PCDHGB3: variants seen among roughly 807,000 people sequenced by gnomAD.
The protein encoded by PCDHGB3 is protocadherin gamma-B3.
PCDHGB3 carries 40 observed loss-of-function variants against 59.2 expected under a neutral mutation model. The observed-to-expected ratio is 0.68, with a 90% CI of 0.52 to 0.88. The LOEUF is 0.88. Ranked by LOEUF, PCDHGB3 falls within the 40% of genes least tolerant of loss-of-function variation. The probability of loss-of-function intolerance (pLI) is 0.00; values close to 1 mark genes in which losing one functional copy is unlikely to be tolerated. For synonymous variants in PCDHGB3, 581 were observed against 503.6 expected, an observed-to-expected ratio of 1.15 and a Z score of -2.06; for missense variants, 1,309 against 1,187.9, an observed-to-expected ratio of 1.10 and a Z score of -1.50.
At chr5:141,461,819 A>T (rs573339238) in intron 1 of PCDHGB3, among the ~76,000 whole-genome samples, 68 of 149,282 alleles carry the variant, frequency 4.6e-4, no homozygotes, top group Non-Finnish European at 9.5e-4. Flanking sequence ...ACACCCAGCT[A>T]ATTTTTTTTT....
At position 141,431,317 on chromosome 5, in the gene PCDHGB3, C is replaced by T. The variant is rs778667104; in HGVS notation, c.2415+58508C>T. ...TCTCCCTCATCGTGCAAAATGGAGC[C>T]GACGGTAGTAAGTACCCCGAATTGG... On this transcript the variant is annotated intron_variant, in intron 1 of 3. Coordinates refer to ENST00000576222, the MANE Select transcript of PCDHGB3 (RefSeq NM_018924.5). This position sits in a 1 kb window ranked among gnomAD's most constrained non-coding sequence, Gnocchi z 4.8. The T allele has an allele frequency of 6.2e-6, 10 of 1,613,964 alleles. No homozygotes were observed. The highest frequency in any genetic ancestry group is 7.6e-6 in the Non-Finnish European group (9 of 1,180,046).
chr5:141,407,651 G>A (rs1005294855), intron 1 of PCDHGB3, among the ~76,000 whole-genome samples: 1 of 151,926 alleles, frequency 6.6e-6, no homozygotes, highest in African/African-American at 2.4e-5. Flanking sequence ...AATAATGGGG[G>A]AGCGCAGTAT....
At chr5:141,374,976 C>T (rs774690686) in intron 1 of PCDHGB3, 1 of 1,614,016 alleles carries the variant, frequency 6.2e-7, no homozygotes, top group South Asian at 1.1e-5. Context: ...AATGTTTTGA[C>T]TGGAGAAATT....
intron 1 of PCDHGB3, among the ~76,000 whole-genome samples, chr5:141,447,975 A>G (rs1352829510): frequency 6.6e-6 from 1 of 151,928 alleles, no homozygotes; most frequent in Non-Finnish European, 1.5e-5. Flanking sequence ...AATCCCAGCT[A>G]CTCGGGAGGC....
At chr5:141,464,408 T>C (rs2154568477) in intron 1 of PCDHGB3, among the ~76,000 whole-genome samples, 1 of 151,718 alleles carries the variant, frequency 6.6e-6, no homozygotes, top group African/African-American at 2.4e-5. Flanking sequence ...CTGAGATATA[T>C]ATATATCTAT....
chr5:141,403,429 T>C (rs1282528901), intron 1 of PCDHGB3: 2 of 1,614,006 alleles, frequency 1.2e-6, no homozygotes, highest in Non-Finnish European at 1.7e-6. Flanking sequence ...AAGCTATTGA[T>C]CCGGATGTTG....
At position 141,487,780 on chromosome 5, in the gene PCDHGB3, C is replaced by T. The variant is rs1423149; in HGVS notation, c.2416-7027C>T. On this transcript the variant is annotated intron_variant, in intron 1 of 3. Transcript: ENST00000576222. The surrounding 1 kb of genome is among the most constrained non-coding windows in gnomAD (Gnocchi z 5.0). ...TAGACGCTGTGCTTTGTAACTGTTT[C>T]GTGAATTAACCAGAGTTGTCACAGT... 0.06 allele frequency: 91,434 copies of T among 1,526,176 alleles called. 5,728 individuals carry two copies. Among genetic ancestry groups the T allele is most frequent in the African/African-American group, 0.33 (23,789 of 72,466 alleles). The allele number at this position is 1,526,176 out of a possible 1,614,324, so 94.5% of individuals were successfully genotyped here. A position where few individuals can be genotyped will look rare whatever the true frequency, so the allele number is the denominator to read the frequency against.
chr5:141,389,320 TG>T (rs764190187), intron 1 of PCDHGB3: 2 of 1,613,848 alleles, frequency 1.2e-6, no homozygotes, highest in Non-Finnish European at 1.7e-6. Flanking sequence ...GATCCGGACT[TG>T]GGGCCCAACG....
intron 2 of PCDHGB3, among the ~76,000 whole-genome samples, chr5:141,502,827 A>G (rs1003204508): frequency 2.7e-5 from 4 of 150,478 alleles, no homozygotes; most frequent in African/African-American, 9.8e-5. Flanking sequence ...TCCTTGGGGA[A>G]GCCTGGACTG....
At chr5:141,427,304 C>G in intron 1 of PCDHGB3, 1 of 456,910 alleles carries the variant, frequency 2.2e-6, no homozygotes. Flanking sequence ...ATGAGAATGA[C>G]AATGCCCCAG....
intron 1 of PCDHGB3, chr5:141,413,452 AGGATAGACC>A (rs2095643065): frequency 6.2e-7 from 1 of 1,614,124 alleles, no homozygotes; most frequent in Admixed American, 1.7e-5. Context: ...CACCGCGGGC[AGGATAGACC>A]GGGAGGAGCT....
chr5:141,439,632 T>C (rs1335553818), intron 1 of PCDHGB3, among the ~76,000 whole-genome samples: 1 of 152,182 alleles, frequency 6.6e-6, no homozygotes, highest in Non-Finnish European at 1.5e-5. Context: ...TCCCCAGACA[T>C]TCCGGCTTGG....
In PCDHGB3 at chr5:141,476,504, G is replaced by A; in HGVS notation, c.2416-18303G>A. On this transcript the variant is annotated intron_variant, in intron 1 of 3. Coordinates refer to ENST00000576222, the MANE Select transcript of PCDHGB3 (RefSeq NM_018924.5). This position sits in a 1 kb window ranked among gnomAD's most constrained non-coding sequence, Gnocchi z 7.6. ...GGAAGTGGTGATCCAGGACATCAAC[G>A]ACAACAATCCTGCTTTCCCTACCCA... The A allele has an allele frequency of 6.2e-7, 1 of 1,614,098 alleles. No individual in the cohort carries two copies. The highest frequency in any genetic ancestry group is 2.2e-5 in the East Asian group (1 of 44,854).
chr5:141,399,529 G>T (rs946281582), intron 1 of PCDHGB3: 3 of 1,614,010 alleles, frequency 1.9e-6, no homozygotes, highest in Non-Finnish European at 2.5e-6. Flanking sequence ...GGCCTCCATC[G>T]CGCAAGTCTG....
At chr5:141,501,328 CA>C (rs1446948770) in intron 2 of PCDHGB3, among the ~76,000 whole-genome samples, 83 of 151,828 alleles carry the variant, frequency 5.5e-4, no homozygotes, top group Admixed American at 2.2e-3. Context: ...CACACACACA[CA>C]CACACCCCAA....
intron 1 of PCDHGB3, chr5:141,428,211 C>T (rs777952475): frequency 2.2e-5 from 28 of 1,284,198 alleles, no homozygotes; most frequent in South Asian, 4.9e-5. Flanking sequence ...CTACGCTTCA[C>T]CTAGTCTTCG....
Position 141,490,398 on chromosome 5 carries a change from C to A in PCDHGB3, c.2416-4409C>A. 1 of 1,614,168 alleles carries A rather than the reference C, an allele frequency of 6.2e-7. No homozygotes were observed. Among genetic ancestry groups the A allele is most frequent in the South Asian group, 1.1e-5 (1 of 91,088 alleles). On this transcript the variant is annotated intron_variant, in intron 1 of 3. Coordinates refer to ENST00000576222, the MANE Select transcript of PCDHGB3 (RefSeq NM_018924.5). This position sits in a 1 kb window ranked among gnomAD's most constrained non-coding sequence, Gnocchi z 5.4. ...ACTCAGGTAGAAATGGTGAAGTGAG[C>A]CTTGATATCTCTCCGGACCTGCCAT...
chr5:141,449,165 G>A (rs144669334), intron 1 of PCDHGB3, among the ~76,000 whole-genome samples: 3 of 152,234 alleles, frequency 2.0e-5, no homozygotes, highest in Admixed American at 1.3e-4. Context: ...GGAAATAGGT[G>A]TAATTTTCTT....
intron 1 of PCDHGB3, among the ~76,000 whole-genome samples, chr5:141,458,988 C>G (rs996478276): frequency 6.6e-6 from 1 of 152,208 alleles, no homozygotes; most frequent in African/African-American, 2.4e-5. Flanking sequence ...CTGCCTCACC[C>G]TCCCAAAGTG....
Sources: allele counts gnomAD v4.1 joint callset (sites outside exome capture counted in the v4.1 genomes callset), GRCh38; gene constraint gnomAD v4.1.1; non-coding constraint Gnocchi (gnomAD v3.1); transcripts MANE v1.5; gene names NCBI Gene and HGNC (gene_info 2026-07-23, HGNC 2026-07-21).